Variants in FMNL2 observed in about 807,000 individuals in gnomAD.
The protein encoded by FMNL2 is formin-like protein 2.
A neutral mutation model predicts 130.2 loss-of-function variants in FMNL2; 51 were observed. The observed-to-expected ratio is 0.39, with a 90% CI of 0.31 to 0.49. The LOEUF (loss-of-function observed/expected upper bound fraction) is 0.49, where lower values mean the gene tolerates loss of function less well. Among genes scored for constraint, FMNL2 ranks in the 20% least tolerant of loss-of-function variants. The pLI, the probability that FMNL2 is intolerant of heterozygous loss-of-function variation, is 0.85. For synonymous variants in FMNL2, 465 were observed against 467.1 expected, an observed-to-expected ratio of 1.00 and a Z score of 0.06; for missense variants, 977 against 1,316.2, an observed-to-expected ratio of 0.74 and a Z score of 3.99.
chr2:152,338,295 C>T (rs1487002104), intron 1 of FMNL2, among the ~76,000 whole-genome samples: 1 of 152,108 alleles, frequency 6.6e-6, no homozygotes, highest in Non-Finnish European at 1.5e-5. Context: ...GTCTAAGCAC[C>T]TCATTGTAAG....
At chr2:152,515,046 A>C (rs1326247386) in intron 1 of FMNL2, among the ~76,000 whole-genome samples, 2 of 152,092 alleles carry the variant, frequency 1.3e-5, no homozygotes, top group African/African-American at 4.8e-5. Context: ...CTGAGATGAC[A>C]CTCTAAATGA....
At chr2:152,402,652 A>G (rs1685768331) in intron 1 of FMNL2, among the ~76,000 whole-genome samples, 1 of 152,186 alleles carries the variant, frequency 6.6e-6, no homozygotes, top group African/African-American at 2.4e-5. Context: ...CAGCTCTCTC[A>G]TTCCTTCCTC....
chr2:152,337,234 C>A (rs894515607), intron 1 of FMNL2, among the ~76,000 whole-genome samples: 2 of 152,204 alleles, frequency 1.3e-5, no homozygotes, highest in Non-Finnish European at 2.9e-5. Flanking sequence ...GCATAACTCT[C>A]AAGGCGGCCT....
intron 5 of FMNL2, among the ~76,000 whole-genome samples, chr2:152,560,115 C>T (rs1463739121): frequency 6.6e-6 from 1 of 150,688 alleles, no homozygotes; most frequent in Non-Finnish European, 1.5e-5. Context: ...GATTGTTCTA[C>T]TGTCTGATCA....
rs1696623980 is a variant in FMNL2, at chr2:152,578,910, C to G, written c.728C>G (p.Ser243Cys). The stretch of plus-strand genomic sequence containing the variant: ...TAGTATGGTTTCAACATGGTCATGT[C>G]TCATCCACACGCTGTCAATGAGATT... ...NYQYGFNMVM[S>C]HPHAVNEIAL... The change falls in exon 8 of 26, where the codon TCT becomes TGT. Residue 243 changes from serine (S) to cysteine (C), a missense_variant. Coordinates refer to ENST00000288670, the MANE Select transcript of FMNL2 (RefSeq NM_052905.4). The G allele has an allele frequency of 6.2e-7, 1 of 1,613,022 alleles. No individual in the cohort carries two copies. Among genetic ancestry groups the G allele is most frequent in the Non-Finnish European group, 8.5e-7 (1 of 1,179,510 alleles).
chr2:152,520,014 A>G (rs1692995816), intron 1 of FMNL2, among the ~76,000 whole-genome samples: 1 of 152,220 alleles, frequency 6.6e-6, no homozygotes, highest in Non-Finnish European at 1.5e-5. Flanking sequence ...ACCATTTACC[A>G]GTAAATAACA....
intron 21 of FMNL2, among the ~76,000 whole-genome samples, chr2:152,634,535 A>T (rs1022447164): frequency 1.9e-4 from 29 of 152,252 alleles, no homozygotes; most frequent in Non-Finnish European, 2.5e-4. Context: ...TCCTGTAGTG[A>T]AAAAAATCTG....
intron 1 of FMNL2, among the ~76,000 whole-genome samples, chr2:152,364,571 T>C (rs1408348210): frequency 6.6e-6 from 1 of 152,170 alleles, no homozygotes; most frequent in East Asian, 1.9e-4. Flanking sequence ...CTGAAGCGAT[T>C]CCATGACCAG....
rs544476584 is a variant in FMNL2 at position 152,491,949 on chromosome 2, T to TCAA, written c.118-29975_118-29973dup. Among the ~76,000 whole-genome samples, 1,411 of 152,054 alleles carry TCAA rather than the reference T, an allele frequency of 9.3e-3. 24 individuals carry two copies. The highest frequency in any genetic ancestry group is 0.031 in the African/African-American group (1,300 of 41,466). ...CTGGGCGACAGAGTGAGACTTCATC[T>TCAA]CAACAACAACAACAACAACAAACTA... is the stretch of plus-strand genomic sequence containing the variant. On this transcript the variant is annotated intron_variant, in intron 1 of 25. Coordinates refer to ENST00000288670, the MANE Select transcript of FMNL2 (RefSeq NM_052905.4).
chr2:152,584,385 T>G (rs1696950191), intron 9 of FMNL2, among the ~76,000 whole-genome samples: 1 of 152,168 alleles, frequency 6.6e-6, no homozygotes, highest in Admixed American at 6.5e-5. Flanking sequence ...CTTTTCATCT[T>G]TTTTAGTAAG....
At chr2:152,645,476 C>T (rs527669759) in intron 25 of FMNL2, 22 of 1,289,948 alleles carry the variant, frequency 1.7e-5, no homozygotes, top group South Asian at 6.2e-5. Context: ...AATGTTCACT[C>T]GAGGGTAAGG....
chr2:152,403,079 C>T (rs747571674), intron 1 of FMNL2, among the ~76,000 whole-genome samples: 5 of 152,032 alleles, frequency 3.3e-5, no homozygotes, highest in Non-Finnish European at 5.9e-5. Flanking sequence ...TTTTCTGTGG[C>T]GATTCAACTG....
intron 9 of FMNL2, among the ~76,000 whole-genome samples, chr2:152,582,085 C>T (rs887954840): frequency 8.6e-5 from 13 of 151,964 alleles, no homozygotes; most frequent in African/African-American, 1.7e-4. Flanking sequence ...TTGATTTTAG[C>T]GAAATTGAAA....
chr2:152,399,739 G>A (rs947276898), intron 1 of FMNL2, among the ~76,000 whole-genome samples: 8 of 152,168 alleles, frequency 5.3e-5, no homozygotes, highest in African/African-American at 1.9e-4. Flanking sequence ...GTAAGGCTTT[G>A]CAATCGATTC....
chr2:152,411,556 T>C (rs1405739035), intron 1 of FMNL2, among the ~76,000 whole-genome samples: 9 of 152,182 alleles, frequency 5.9e-5, no homozygotes. Flanking sequence ...GTTAACCCAC[T>C]TTGGGCTAAC....
intron 1 of FMNL2, among the ~76,000 whole-genome samples, chr2:152,459,040 T>C (rs1689101298): frequency 6.6e-6 from 1 of 152,208 alleles, no homozygotes; most frequent in African/African-American, 2.4e-5. Context: ...CAGTTGAGAA[T>C]TGGTAATAAC....
intron 1 of FMNL2, among the ~76,000 whole-genome samples, chr2:152,411,450 A>G (rs1274482958): frequency 6.6e-6 from 1 of 152,146 alleles, no homozygotes; most frequent in African/African-American, 2.4e-5. Flanking sequence ...TGCTTATATT[A>G]TCCATGCATT....
chr2:152,558,310 TG>T (rs948784305), intron 4 of FMNL2, among the ~76,000 whole-genome samples: 1 of 152,190 alleles, frequency 6.6e-6, no homozygotes, highest in African/African-American at 2.4e-5. Flanking sequence ...GACTTGAACT[TG>T]GATTTGGAAT....
At chr2:152,531,342 T>C (rs1168464400) in intron 2 of FMNL2, among the ~76,000 whole-genome samples, 1 of 152,216 alleles carries the variant, frequency 6.6e-6, no homozygotes, top group African/African-American at 2.4e-5. Context: ...TAATGATTGA[T>C]TTTGACCATG....
Sources: allele counts gnomAD v4.1 joint callset (sites outside exome capture counted in the v4.1 genomes callset), GRCh38; gene constraint gnomAD v4.1.1; transcripts MANE v1.5; gene names NCBI Gene and HGNC (gene_info 2026-07-23, HGNC 2026-07-21).